The following AKAP8L variants were observed in gnomAD, a reference collection of about 807,000 sequenced individuals.
AKAP8L encodes the protein A-kinase anchoring protein 8 like.
Under a neutral mutation model 77.5 loss-of-function variants are expected in AKAP8L, and 34 were observed. That is an observed-to-expected ratio of 0.44 (90% CI 0.33 to 0.58). The LOEUF is 0.58. AKAP8L is among the 20% of genes least tolerant of loss of function. The probability of loss-of-function intolerance (pLI) is 0.02; values close to 1 mark genes in which losing one functional copy is unlikely to be tolerated. For synonymous variants in AKAP8L, 342 were observed against 340.7 expected (o/e 1.00, Z -0.04); for missense variants, 806 against 887.6 (o/e 0.91, Z 1.17).
chr19:15,410,498 C>T, intron 2 of AKAP8L, 22 bp downstream of exon 2: 1 of 1,558,900 alleles, frequency 6.4e-7, no homozygotes, highest in Non-Finnish European at 8.7e-7. Flanking sequence ...CACTTTGGTT[C>T]CCACCAGAAG....
At chr19:15,416,594 A>G (rs1412828847) in intron 1 of AKAP8L, among the ~76,000 whole-genome samples, 1 of 152,242 alleles carries the variant, frequency 6.6e-6, no homozygotes, top group Admixed American at 6.5e-5. Flanking sequence ...ATGTAACCTC[A>G]TGATATTCCA....
At chr19:15,406,362 GGA>G (rs3040938) in intron 2 of AKAP8L, among the ~76,000 whole-genome samples, 4,841 of 89,288 alleles carry the variant, frequency 0.054, 167 homozygotes, top group African/African-American at 0.13. Flanking sequence ...GAAATTTTAA[GGA>G]GAGAGAGAGA....
Position 15,398,979 on chromosome 19 carries a change from T to G in AKAP8L, c.1157+323A>C, listed in dbSNP as rs1967832473. The G allele has an allele frequency of 2.6e-6, 1 of 390,698 alleles. No homozygotes were observed. The highest frequency in any genetic ancestry group is 4.6e-6 in the Non-Finnish European group (1 of 218,696). 24.2% of individuals were successfully genotyped at this position (390,698 alleles called of 1,614,324 possible). ...TTGAGTCTCTGATGAGCTGGCCCCC[T>G]CCCTCAGGGGCATCAGGCCCCCAGT... is the stretch of plus-strand genomic sequence containing the variant. On this transcript the variant is annotated intron_variant, in intron 9 of 13. Coordinates refer to ENST00000397410, the MANE Select transcript of AKAP8L (RefSeq NM_014371.4). The surrounding 1 kb of genome is among the most constrained non-coding windows in gnomAD (Gnocchi z 9.2).
chr19:15,402,486 C>T (rs908642970), intron 4 of AKAP8L, among the ~76,000 whole-genome samples: 6 of 152,212 alleles, frequency 3.9e-5, no homozygotes, highest in African/African-American at 1.2e-4. Flanking sequence ...TCCCAGGCTC[C>T]AGGCTGTGGT....
At chr19:15,411,647 C>T (rs1200013420) in intron 1 of AKAP8L, among the ~76,000 whole-genome samples, 1 of 152,012 alleles carries the variant, frequency 6.6e-6, no homozygotes, top group African/African-American at 2.4e-5. Context: ...AAACAAAAAA[C>T]AATTATTTCT....
At chr19:15,407,369 G>C (rs1968020563) in intron 2 of AKAP8L, among the ~76,000 whole-genome samples, 1 of 152,150 alleles carries the variant, frequency 6.6e-6, no homozygotes, top group South Asian at 2.1e-4. Context: ...GTAGGATCTT[G>C]GTTGACTGTT....
In AKAP8L at chr19:15,401,143, C is replaced by T. The variant is rs765730821; in HGVS notation, c.816+7G>A. 1 of 1,605,144 alleles carries T rather than the reference C, an allele frequency of 6.2e-7. No homozygotes were observed. Among genetic ancestry groups the T allele is most frequent in the Admixed American group, 1.7e-5 (1 of 59,910 alleles). On this transcript the variant is annotated splice_region_variant and intron_variant, in intron 5 of 13. Coordinates refer to ENST00000397410, the MANE Select transcript of AKAP8L (RefSeq NM_014371.4). The surrounding 1 kb of genome is among the most constrained non-coding windows in gnomAD (Gnocchi z 6.2). ...GCTTCCCAGAGGGGAAGGCTGCCTC[C>T]ACTCACTCGGAAGTCGGCTGTGGTC...
intron 12 of AKAP8L, among the ~76,000 whole-genome samples, chr19:15,385,755 G>A (rs757887138): frequency 5.3e-5 from 8 of 150,958 alleles, no homozygotes; most frequent in Non-Finnish European, 7.4e-5. Context: ...CCCAGTACCT[G>A]GCTAATTTTT....
Position 15,380,394 on chromosome 19 carries a change from TCTC to T in AKAP8L, c.1666_1668del (p.Glu556del), listed in dbSNP as rs775490570. ...CCGCCCTCAGCCTCCTCCTGCTCCT[TCTC>T]CTCCTCGGGGCTGTCGGTGAAAGGG... On this transcript the variant is annotated inframe_deletion, in exon 14 of 14. Coordinates refer to ENST00000397410, the MANE Select transcript of AKAP8L (RefSeq NM_014371.4). The T allele has an allele frequency of 9.4e-6, 15 of 1,588,558 alleles. No homozygotes were observed. The highest frequency in any genetic ancestry group is 5.3e-5 in the Admixed American group (3 of 56,520).
intron 12 of AKAP8L, among the ~76,000 whole-genome samples, chr19:15,384,071 A>G (rs1967475236): frequency 1.3e-5 from 2 of 150,974 alleles, no homozygotes; most frequent in Non-Finnish European, 2.9e-5. Context: ...AGCTGAGATT[A>G]TAGGCACCCA....
intron 12 of AKAP8L, among the ~76,000 whole-genome samples, chr19:15,391,640 G>C (rs1055823401): frequency 6.6e-6 from 1 of 150,834 alleles, no homozygotes; most frequent in Non-Finnish European, 1.5e-5. Flanking sequence ...CCGGGTTCAC[G>C]CCATTCTCCT....
chr19:15,389,247 A>AAAAAAG (rs1568263089), intron 12 of AKAP8L, among the ~76,000 whole-genome samples: 8 of 151,770 alleles, frequency 5.3e-5, no homozygotes, highest in Admixed American at 1.3e-4. Context: ...AAAAAAAAAA[A>AAAAAAG]AAAGAATTAG....
intron 2 of AKAP8L, among the ~76,000 whole-genome samples, chr19:15,409,798 C>G (rs115425094): frequency 0.014 from 2,143 of 152,286 alleles, 47 homozygotes; most frequent in African/African-American, 0.049. Context: ...TCACTCAACT[C>G]TGTGTGTGTG....
chr19:15,385,223 C>T (rs112012406), intron 12 of AKAP8L, among the ~76,000 whole-genome samples: 8 of 152,078 alleles, frequency 5.3e-5, no homozygotes, highest in East Asian at 3.9e-4. Context: ...GTGATCCGCC[C>T]GCCTCGGCCT....
At chr19:15,395,939 G>A (rs1233260322) in intron 12 of AKAP8L, among the ~76,000 whole-genome samples, 1 of 115,520 alleles carries the variant, frequency 8.7e-6, no homozygotes, top group Non-Finnish European at 1.7e-5. Flanking sequence ...AGCCGAGATC[G>A]CGCCACTGCA....
rs1202777035 is a variant in AKAP8L, at chr19:15,418,961, T to G, written c.-38A>C. 6.2e-7 allele frequency: 1 copy of G among 1,604,172 alleles called. No individual in the cohort carries two copies. On this transcript the variant is annotated 5_prime_UTR_variant, in exon 1 of 14. Coordinates refer to ENST00000397410, the MANE Select transcript of AKAP8L (RefSeq NM_014371.4). ...CACAACATCCGACGACGCCGGCTTC[T>G]GCTGCTCTGAACATCCGACGCTGCG...
At chr19:15,389,476 C>T (rs533048230) in intron 12 of AKAP8L, among the ~76,000 whole-genome samples, 4 of 151,800 alleles carry the variant, frequency 2.6e-5, no homozygotes, top group African/African-American at 9.7e-5. Flanking sequence ...GTAATCTATA[C>T]ATCAAAGCAG....
intron 12 of AKAP8L, among the ~76,000 whole-genome samples, chr19:15,389,224 C>CAAAAAA (rs376495541): frequency 2.3e-5 from 1 of 44,186 alleles, no homozygotes; most frequent in African/African-American, 8.9e-5. Context: ...GACTCCATCA[C>CAAAAAA]AAAAAAAAAA....
chr19:15,406,630 C>G (rs988113240), intron 2 of AKAP8L, among the ~76,000 whole-genome samples: 51 of 151,990 alleles, frequency 3.4e-4, no homozygotes, highest in African/African-American at 1.2e-3. Context: ...CCATGCCCAG[C>G]TAATTTTTTC....
Sources: allele counts gnomAD v4.1 joint callset (sites outside exome capture counted in the v4.1 genomes callset), GRCh38; gene constraint gnomAD v4.1.1; non-coding constraint Gnocchi (gnomAD v3.1); transcripts MANE v1.5; gene names NCBI Gene and HGNC (gene_info 2026-07-23, HGNC 2026-07-21).